The following GNAQ variants were observed in gnomAD, a reference collection of about 807,000 sequenced individuals.
GNAQ encodes the protein G protein subunit alpha q, also known as guanine nucleotide-binding protein G(q) subunit alpha.
GNAQ carries 8 observed loss-of-function variants against 43.9 expected under a neutral mutation model. The observed-to-expected ratio is 0.18, with a 90% CI of 0.11 to 0.33. GNAQ has a LOEUF of 0.33. Ranked by LOEUF, GNAQ falls within the 10% of genes least tolerant of loss-of-function variation. The probability of loss-of-function intolerance (pLI) is 1.00; values close to 1 mark genes in which losing one functional copy is unlikely to be tolerated. For missense variants in GNAQ, 158 were observed against 450.8 expected, an observed-to-expected ratio of 0.35 and a Z score of 5.88; for synonymous variants, 155 against 170.7, an observed-to-expected ratio of 0.91 and a Z score of 0.71.
intron 2 of GNAQ, among the ~76,000 whole-genome samples, chr9:77,911,725 G>A (rs1382690665): frequency 1.3e-5 from 2 of 152,138 alleles, no homozygotes; most frequent in African/African-American, 4.8e-5. Context: ...CCCAAAAAGC[G>A]ATTTGTGGAA....
At chr9:77,863,220 G>GGAAGGAAGGGAGGA (rs1564133751) in intron 2 of GNAQ, among the ~76,000 whole-genome samples, 1 of 34,260 alleles carries the variant, frequency 2.9e-5, no homozygotes, top group Admixed American at 2.8e-4. Flanking sequence ...GGAAGGAAGG[G>GGAAGGAAGGGAGGA]AGGAAGGAAG....
chr9:77,820,795 GC>G (rs1162612368), intron 2 of GNAQ, among the ~76,000 whole-genome samples: 1 of 152,184 alleles, frequency 6.6e-6, no homozygotes, highest in Non-Finnish European at 1.5e-5. Context: ...TCATGTACCA[GC>G]CCTGTGTCTT....
At chr9:77,883,453 G>C (rs1296707303) in intron 2 of GNAQ, among the ~76,000 whole-genome samples, 1 of 150,914 alleles carries the variant, frequency 6.6e-6, no homozygotes, top group Non-Finnish European at 1.5e-5. Context: ...AGAAAAAAGG[G>C]GGTAGTTTTT....
chr9:77,812,737 T>C (rs1587928002), intron 3 of GNAQ, among the ~76,000 whole-genome samples: 1 of 152,052 alleles, frequency 6.6e-6, no homozygotes, highest in East Asian at 1.9e-4. Flanking sequence ...ATTATTTAGG[T>C]AGGAAAATGT....
rs530994833 is a variant in GNAQ, at chr9:77,760,254, C to T, written c.736-31587G>A. 1.4e-3 allele frequency among the ~76,000 whole-genome samples: 167 copies of T among 122,528 alleles called. 1 individual carries two copies. The highest frequency in any genetic ancestry group is 3.5e-3 in the African/African-American group (124 of 35,102). 80.4% of individuals were successfully genotyped at this position (122,528 alleles called of 152,430 possible). A position where few individuals can be genotyped will look rare whatever the true frequency, so the allele number is the denominator to read the frequency against. ...TCTCCCCACGGTCTCCCTCTGATGC[C>T]GAGCCGAAGCTGGACTGTACTGCTG... is the stretch of plus-strand genomic sequence containing the variant. On this transcript the variant is annotated intron_variant, in intron 5 of 6. Transcript: ENST00000286548.
chr9:77,789,644 T>A (rs1215430327), intron 5 of GNAQ, among the ~76,000 whole-genome samples: 1 of 152,184 alleles, frequency 6.6e-6, no homozygotes, highest in Non-Finnish European at 1.5e-5. Context: ...TAATTTTATA[T>A]TCATAATTAG....
intron 2 of GNAQ, among the ~76,000 whole-genome samples, chr9:77,896,281 CT>C (rs1216824666): frequency 6.6e-6 from 1 of 152,188 alleles, no homozygotes; most frequent in Non-Finnish European, 1.5e-5. Context: ...AACTCAGTTA[CT>C]TTAAAACACT....
intron 2 of GNAQ, among the ~76,000 whole-genome samples, chr9:77,891,711 T>C (rs908734582): frequency 2.0e-5 from 3 of 152,220 alleles, no homozygotes; most frequent in Non-Finnish European, 4.4e-5. Flanking sequence ...TTGAAAGCCG[T>C]ACTAGTTCTC....
chr9:77,978,767 T>TA (rs932163437), intron 1 of GNAQ, among the ~76,000 whole-genome samples: 2 of 152,004 alleles, frequency 1.3e-5, no homozygotes, highest in Non-Finnish European at 2.9e-5. Flanking sequence ...TTTTCACTTT[T>TA]AAAAAAAATG....
At chr9:77,748,336 A>C (rs920506636) in intron 5 of GNAQ, among the ~76,000 whole-genome samples, 1 of 152,204 alleles carries the variant, frequency 6.6e-6, no homozygotes, top group Non-Finnish European at 1.5e-5. Flanking sequence ...TAAATGACTG[A>C]GGTTTTCCTA....
chr9:77,878,223 G>T (rs1014275271), intron 2 of GNAQ, among the ~76,000 whole-genome samples: 2 of 144,788 alleles, frequency 1.4e-5, no homozygotes, highest in African/African-American at 2.6e-5. Flanking sequence ...GAGGTATTTG[G>T]TGTTTTTTTT....
At chr9:77,833,849 C>T (rs1167502908) in intron 2 of GNAQ, among the ~76,000 whole-genome samples, 2 of 152,056 alleles carry the variant, frequency 1.3e-5, no homozygotes, top group Non-Finnish European at 2.9e-5. Flanking sequence ...GAAGCTGATC[C>T]AATAGTTAAA....
At chr9:77,797,702 G>A (rs1826679511) in intron 3 of GNAQ, 54 bp from the exon 4 acceptor site, 2 of 1,566,364 alleles carry the variant, frequency 1.3e-6, no homozygotes, top group Non-Finnish European at 1.7e-6. Flanking sequence ...CACCAAAGCT[G>A]TCTACGGAAA....
At chr9:77,763,141 CAAAA>C (rs34812363) in intron 5 of GNAQ, among the ~76,000 whole-genome samples, 71 of 64,892 alleles carry the variant, frequency 1.1e-3, no homozygotes, top group African/African-American at 1.4e-3. Context: ...AACAAACAAA[CAAAA>C]AAAAAAAAAA....
chr9:77,883,874 T>C (rs753811532), intron 2 of GNAQ, among the ~76,000 whole-genome samples: 11 of 152,228 alleles, frequency 7.2e-5, no homozygotes, highest in Non-Finnish European at 1.5e-4. Context: ...GTAGTTTTGA[T>C]AATTCATGAA....
At chr9:78,004,665 C>G (rs1458874994) in intron 1 of GNAQ, among the ~76,000 whole-genome samples, 2 of 151,940 alleles carry the variant, frequency 1.3e-5, no homozygotes, top group East Asian at 3.9e-4. Flanking sequence ...CTGCACATAT[C>G]AAAAAAACTC....
chr9:77,832,087 C>T (rs1245586306), intron 2 of GNAQ, among the ~76,000 whole-genome samples: 1 of 146,144 alleles, frequency 6.8e-6, no homozygotes, highest in Non-Finnish European at 1.5e-5. Context: ...GATTAGAGCA[C>T]TTTTTTTTTT....
At chr9:77,984,008 T>C (rs75059040) in intron 1 of GNAQ, among the ~76,000 whole-genome samples, 26 of 129,382 alleles carry the variant, frequency 2.0e-4, no homozygotes, top group African/African-American at 7.7e-4. Flanking sequence ...TCAAAAGTCA[T>C]CCTGGGTTTT....
chr9:77,749,631 C>T (rs1825781370), intron 5 of GNAQ, among the ~76,000 whole-genome samples: 1 of 152,178 alleles, frequency 6.6e-6, no homozygotes. Context: ...ATTCCACATA[C>T]TATACACAAA....
Sources: gnomAD v4.1 joint callset for allele counts (sites outside exome capture counted in the v4.1 genomes callset) on GRCh38, gnomAD v4.1.1 for gene constraint, MANE v1.5 for transcripts, NCBI Gene and HGNC (gene_info 2026-07-23, HGNC 2026-07-21) for gene names.